ZBTB20: variants seen among roughly 807,000 people sequenced by gnomAD.
ZBTB20 encodes the protein zinc finger and BTB domain-containing protein 20.
Under a neutral mutation model 56.9 loss-of-function variants are expected in ZBTB20, and 9 were observed. The observed-to-expected ratio is 0.16, with a 90% CI of 0.10 to 0.28. The LOEUF (loss-of-function observed/expected upper bound fraction) is 0.28. Among genes scored for constraint, ZBTB20 ranks in the 10% least tolerant of loss-of-function variants. The pLI, the probability that ZBTB20 is intolerant of heterozygous loss-of-function variation, is 1.00. For missense variants in ZBTB20, 655 were observed against 1,003.0 expected (o/e 0.65, Z 4.69); for synonymous variants, 417 against 420.7 (o/e 0.99, Z 0.11).
At chr3:114,504,719 T>C (rs2044395511) in intron 6 of ZBTB20, among the ~76,000 whole-genome samples, 1 of 152,294 alleles carries the variant, frequency 6.6e-6, no homozygotes, top group Middle Eastern at 3.4e-3. Flanking sequence ...GCACCCTTAG[T>C]ATTGGATCAC....
intron 3 of ZBTB20, among the ~76,000 whole-genome samples, chr3:114,914,992 A>G (rs1421508393): frequency 1.3e-5 from 2 of 151,488 alleles, no homozygotes; most frequent in African/African-American, 2.4e-5. Context: ...TTTTACATCA[A>G]TGTTCATCAG....
chr3:114,762,149 T>C (rs959978991), intron 5 of ZBTB20, among the ~76,000 whole-genome samples: 3 of 152,184 alleles, frequency 2.0e-5, no homozygotes, highest in Non-Finnish European at 4.4e-5. Flanking sequence ...AAAATAGAGA[T>C]AGATGACACA....
chr3:114,473,515 T>C (rs2040389982), intron 7 of ZBTB20, among the ~76,000 whole-genome samples: 1 of 152,092 alleles, frequency 6.6e-6, no homozygotes, highest in East Asian at 1.9e-4. Flanking sequence ...CCAGGATGTG[T>C]CTCAGAATCA....
chr3:114,697,072 A>C (rs2063076575), intron 5 of ZBTB20, among the ~76,000 whole-genome samples: 1 of 137,200 alleles, frequency 7.3e-6, no homozygotes, highest in Non-Finnish European at 1.6e-5. Context: ...AAAAAAAAAA[A>C]AAAAGAAGAA....
At chr3:114,528,121 C>T (rs1482653455) in intron 6 of ZBTB20, among the ~76,000 whole-genome samples, 2 of 151,880 alleles carry the variant, frequency 1.3e-5, no homozygotes, top group Admixed American at 1.3e-4. Context: ...GAATCACAAG[C>T]TCTGAGATAA....
At chr3:114,351,905 A>G in intron 10 of ZBTB20, 27 bp from the exon 11 acceptor site, 5 of 1,568,958 alleles carry the variant, frequency 3.2e-6, no homozygotes, top group Non-Finnish European at 3.5e-6. Context: ...CAGACACAAA[A>G]CAGGGCATGG....
At chr3:115,054,120 C>G (rs1304030769) in intron 2 of ZBTB20, among the ~76,000 whole-genome samples, 1 of 152,036 alleles carries the variant, frequency 6.6e-6, no homozygotes, top group African/African-American at 2.4e-5. Flanking sequence ...ATGCTTTTCA[C>G]ATACCCAAGA....
intron 11 of ZBTB20, among the ~76,000 whole-genome samples, chr3:114,341,322 T>C (rs1026473420): frequency 5.5e-4 from 84 of 152,166 alleles, no homozygotes; most frequent in African/African-American, 1.8e-3. Context: ...TGTTTTTAGC[T>C]GAAACATTTC....
At position 114,988,450 on chromosome 3, in the gene ZBTB20, A is replaced by AT. The variant is rs1436898465; in HGVS notation, c.-506-14035dup. On this transcript the variant is annotated intron_variant, in intron 2 of 11. Transcript: ENST00000675478. ...ATGAACTCATCTTTTTTATGGCTGC[A>AT]TAGTATTCCATGGTGTATATGTGCC... 2.6e-5 allele frequency among the ~76,000 whole-genome samples: 4 copies of AT among 151,978 alleles called. 1 individual carries two copies. The highest frequency in any genetic ancestry group is 2.6e-4 in the Admixed American group (4 of 15,256).
chr3:114,842,175 C>A (rs1028483795), intron 4 of ZBTB20, among the ~76,000 whole-genome samples: 3 of 152,134 alleles, frequency 2.0e-5, no homozygotes, highest in African/African-American at 7.2e-5. Flanking sequence ...GATTAGTTTT[C>A]TTTCCATGCC....
At chr3:114,909,492 A>C (rs2075444626) in intron 3 of ZBTB20, among the ~76,000 whole-genome samples, 1 of 152,074 alleles carries the variant, frequency 6.6e-6, no homozygotes, top group Non-Finnish European at 1.5e-5. Flanking sequence ...CTAAGTGTAC[A>C]GTGTTTATAA....
At chr3:115,143,506 A>T (rs2084878444) in intron 1 of ZBTB20, among the ~76,000 whole-genome samples, 1 of 152,210 alleles carries the variant, frequency 6.6e-6, no homozygotes. Context: ...CCATCTCAAA[A>T]AACGAAAAAG....
intron 2 of ZBTB20, among the ~76,000 whole-genome samples, chr3:115,029,566 A>G (rs2108338701): frequency 6.6e-6 from 1 of 151,068 alleles, no homozygotes; most frequent in East Asian, 1.9e-4. Context: ...TCAAATAGAA[A>G]GACAAGAAAC....
intron 6 of ZBTB20, among the ~76,000 whole-genome samples, chr3:114,622,277 G>A (rs1390092139): frequency 6.6e-6 from 1 of 151,782 alleles, no homozygotes; most frequent in African/African-American, 2.4e-5. Context: ...TTTTTATAAC[G>A]TATTGTAAAC....
chr3:115,043,851 T>A (rs1300799610), intron 2 of ZBTB20, among the ~76,000 whole-genome samples: 1 of 152,134 alleles, frequency 6.6e-6, no homozygotes, highest in African/African-American at 2.4e-5. Context: ...GTCTCCGGTG[T>A]TGGAGGAGGG....
At chr3:114,905,127 C>G (rs537764328) in intron 3 of ZBTB20, among the ~76,000 whole-genome samples, 41 of 151,896 alleles carry the variant, frequency 2.7e-4, no homozygotes, top group Non-Finnish European at 5.2e-4. Flanking sequence ...CCACACTTCA[C>G]AGCATATTCT....
chr3:114,831,422 T>G (rs1466652554), intron 4 of ZBTB20, among the ~76,000 whole-genome samples: 1 of 151,938 alleles, frequency 6.6e-6, no homozygotes, highest in Non-Finnish European at 1.5e-5. Context: ...AGGACAACAG[T>G]ACCTAGTTAA....
intron 1 of ZBTB20, among the ~76,000 whole-genome samples, chr3:115,078,571 T>C (rs1310420284): frequency 1.3e-5 from 2 of 149,586 alleles, no homozygotes; most frequent in African/African-American, 2.5e-5. Context: ...AGTCTAAGTA[T>C]AGAACAACAT....
intron 6 of ZBTB20, among the ~76,000 whole-genome samples, chr3:114,603,710 C>A (rs1364738478): frequency 6.6e-6 from 1 of 151,538 alleles, no homozygotes; most frequent in Non-Finnish European, 1.5e-5. Flanking sequence ...AGACTAACAA[C>A]CCAATAGAAA....
Sources: gnomAD v4.1 joint callset for allele counts (sites outside exome capture counted in the v4.1 genomes callset) on GRCh38, gnomAD v4.1.1 for gene constraint, MANE v1.5 for transcripts, NCBI Gene and HGNC (gene_info 2026-07-23, HGNC 2026-07-21) for gene names.